The following ALK variants were observed in gnomAD, a reference collection of about 807,000 sequenced individuals.
ALK encodes the protein ALK tyrosine kinase receptor.
Under a neutral mutation model 163.1 loss-of-function variants are expected in ALK, and 74 were observed. The ratio of observed to expected loss-of-function variants is 0.45; its 90% CI spans 0.38 to 0.55. The LOEUF is 0.55. Ranked by LOEUF, ALK falls within the 20% of genes least tolerant of loss-of-function variation. ALK has a pLI of 0.00. For missense variants in ALK, 2,063 were observed against 2,105.3 expected (o/e 0.98, Z 0.39); for synonymous variants, 960 against 843.2 (o/e 1.14, Z -2.40).
At chr2:29,912,884 C>T (rs1231284994) in intron 1 of ALK, among the ~76,000 whole-genome samples, 1 of 152,098 alleles carries the variant, frequency 6.6e-6, no homozygotes, top group Non-Finnish European at 1.5e-5. Context: ...CATGCTCACC[C>T]TCATGAACTC....
chr2:29,686,128 CG>C (rs1678232822), intron 3 of ALK, among the ~76,000 whole-genome samples: 1 of 152,126 alleles, frequency 6.6e-6, no homozygotes, highest in African/African-American at 2.4e-5. Flanking sequence ...TTCTAGGGAT[CG>C]GGGCATCTTG....
intron 3 of ALK, among the ~76,000 whole-genome samples, chr2:29,613,413 A>G (rs1675751295): frequency 6.6e-6 from 1 of 152,226 alleles, no homozygotes; most frequent in Non-Finnish European, 1.5e-5. Flanking sequence ...TCTTCGGGAA[A>G]TTAAATTAGC....
At chr2:29,480,126 T>C (rs1191696960) in intron 4 of ALK, among the ~76,000 whole-genome samples, 1 of 152,118 alleles carries the variant, frequency 6.6e-6, no homozygotes, top group Non-Finnish European at 1.5e-5. Flanking sequence ...GCAAAAGAGA[T>C]ATACAGTGTG....
chr2:29,626,743 G>T (rs1249041425), intron 3 of ALK, among the ~76,000 whole-genome samples: 1 of 152,194 alleles, frequency 6.6e-6, no homozygotes, highest in East Asian at 1.9e-4. Context: ...TGATCTTGGA[G>T]TTCCCAGCTT....
At chr2:29,328,326 G>T in intron 6 of ALK, 24 bp downstream of exon 6, 1 of 1,614,034 alleles carries the variant, frequency 6.2e-7, no homozygotes, top group Non-Finnish European at 8.5e-7. Flanking sequence ...GCTCAGGCAG[G>T]GTGGGGCAGC....
chr2:29,752,445 G>A (rs944325995), intron 1 of ALK, among the ~76,000 whole-genome samples: 1 of 150,210 alleles, frequency 6.7e-6, no homozygotes, highest in African/African-American at 2.5e-5. Context: ...CGCCTCCCGG[G>A]TTCACGCCAT....
chr2:29,422,481 T>C (rs1291115208), intron 4 of ALK, among the ~76,000 whole-genome samples: 1 of 147,132 alleles, frequency 6.8e-6, no homozygotes, highest in African/African-American at 2.7e-5. Context: ...AAAGCCACAA[T>C]TACTTTTGCA....
chr2:29,199,782 T>G (rs1343103582), intron 26 of ALK, among the ~76,000 whole-genome samples: 3 of 149,818 alleles, frequency 2.0e-5, no homozygotes, highest in Non-Finnish European at 4.4e-5. Context: ...ATATTTTGAT[T>G]AAAACTTTAA....
intron 1 of ALK, among the ~76,000 whole-genome samples, chr2:29,868,688 T>C (rs1229330472): frequency 6.6e-6 from 1 of 152,146 alleles, no homozygotes; most frequent in Non-Finnish European, 1.5e-5. Context: ...CTCTAACAAA[T>C]CATACCTTCC....
chr2:29,551,050 C>T (rs1318762488), intron 3 of ALK, among the ~76,000 whole-genome samples: 1 of 152,090 alleles, frequency 6.6e-6, no homozygotes, highest in Admixed American at 6.6e-5. Context: ...TGTTCTCCTG[C>T]TTCTGTGAAT....
rs368204206 is a variant in ALK at position 29,876,788 on chromosome 2, G to A, written c.667+43205C>T. On this transcript the variant is annotated intron_variant, in intron 1 of 28. Transcript: ENST00000389048. Reference sequence around the variant, plus strand: ...TGATGATGATGGTGATGATGGTGGTGATAATGATGATGGTGGTGTTGGGGA... The same window carrying A: ...TGATGATGATGGTGATGATGGTGGTAATAATGATGATGGTGGTGTTGGGGA... Among the ~76,000 whole-genome samples the A allele has an allele frequency of 2.9e-4, 44 of 152,018 alleles. No homozygotes were observed. In the East Asian group the frequency reaches 6.8e-3, roughly 23 times the overall value.
chr2:29,546,057 T>C (rs1187517752), intron 3 of ALK, among the ~76,000 whole-genome samples: 1 of 152,190 alleles, frequency 6.6e-6, no homozygotes, highest in Non-Finnish European at 1.5e-5. Context: ...TACGTGTACA[T>C]CAATAGATGG....
chr2:29,597,780 C>T (rs1181680632), intron 3 of ALK, among the ~76,000 whole-genome samples: 3 of 152,128 alleles, frequency 2.0e-5, no homozygotes, highest in African/African-American at 7.2e-5. Flanking sequence ...TCCTCTTCAC[C>T]AAGGGAGGAG....
At chr2:29,618,723 G>A (rs530467320) in intron 3 of ALK, among the ~76,000 whole-genome samples, 39 of 152,370 alleles carry the variant, frequency 2.6e-4, no homozygotes, top group Middle Eastern at 6.8e-3. Context: ...GCTCATGCCT[G>A]TAATCCTAGC....
At chr2:29,265,406 C>T (rs545337105) in intron 11 of ALK, among the ~76,000 whole-genome samples, 132 of 152,242 alleles carry the variant, frequency 8.7e-4, no homozygotes, top group African/African-American at 3.1e-3. Context: ...AATGGATTGG[C>T]TGGTAGACTG....
intron 9 of ALK, among the ~76,000 whole-genome samples, chr2:29,285,222 C>T (rs1431943631): frequency 6.6e-6 from 1 of 151,904 alleles, no homozygotes; most frequent in Non-Finnish European, 1.5e-5. Context: ...GTGCTTCCCG[C>T]CCTCCAGCCT....
At chr2:29,716,366 G>A (rs1040712615) in intron 2 of ALK, among the ~76,000 whole-genome samples, 4 of 152,222 alleles carry the variant, frequency 2.6e-5, no homozygotes, top group African/African-American at 9.6e-5. Context: ...ATAGAATAAA[G>A]TGGAAAGCAA....
chr2:29,578,433 T>A (rs1337689707), intron 3 of ALK, among the ~76,000 whole-genome samples: 1 of 152,214 alleles, frequency 6.6e-6, no homozygotes, highest in South Asian at 2.1e-4. Flanking sequence ...AGTCTCTGTC[T>A]GGACACCTGA....
At chr2:29,866,069 C>G (rs934317848) in intron 1 of ALK, among the ~76,000 whole-genome samples, 1 of 152,082 alleles carries the variant, frequency 6.6e-6, no homozygotes, top group African/African-American at 2.4e-5. Flanking sequence ...CCCCACTGTT[C>G]CTAGAACAAC....
Sources: allele counts gnomAD v4.1 joint callset (sites outside exome capture counted in the v4.1 genomes callset), GRCh38; gene constraint gnomAD v4.1.1; transcripts MANE v1.5; gene names NCBI Gene and HGNC (gene_info 2026-07-23, HGNC 2026-07-21).